NCK2: variants seen among roughly 807,000 people sequenced by gnomAD.
NCK2 encodes NCK adaptor protein 2.
Under a neutral mutation model 33.9 loss-of-function variants are expected in NCK2, and 16 were observed. The observed-to-expected ratio is 0.47, with a 90% CI of 0.32 to 0.72. The LOEUF (loss-of-function observed/expected upper bound fraction) is 0.72. Ranked by LOEUF, NCK2 falls within the 30% of genes least tolerant of loss-of-function variation. The pLI is 0.03. For synonymous variants in NCK2, 273 were observed against 239.9 expected (o/e 1.14, Z -1.27); for missense variants, 418 against 537.3 (o/e 0.78, Z 2.19).
intron 1 of NCK2, among the ~76,000 whole-genome samples, chr2:105,792,308 A>G (rs1041026076): frequency 3.9e-5 from 6 of 152,202 alleles, no homozygotes; most frequent in African/African-American, 1.4e-4. Flanking sequence ...GTGTAGTCCT[A>G]AGGTAGAATC....
chr2:105,884,277 C>T lies in NCK2; in HGVS notation c.948+2228C>T, dbSNP rs1167864002. Among the ~76,000 whole-genome samples, 3 of 152,116 alleles carry T rather than the reference C, an allele frequency of 2.0e-5. No homozygotes were observed. The East Asian group carries it at 5.8e-4, about 29-fold the overall frequency. On this transcript the variant is annotated intron_variant, in intron 4 of 4. Transcript: ENST00000233154. ...GCCTCCCCCCGTCCCCATGTGTTTTCCTGCTCATTTTGGCATTTCTCAGGT... is the reference window on the plus strand; with the variant it reads ...GCCTCCCCCCGTCCCCATGTGTTTTTCTGCTCATTTTGGCATTTCTCAGGT...
chr2:105,864,289 C>G (rs1677663482), intron 3 of NCK2, among the ~76,000 whole-genome samples: 2 of 152,020 alleles, frequency 1.3e-5, no homozygotes. Context: ...GAGAGTGACC[C>G]AGGGTGACAT....
At chr2:105,874,599 C>G (rs1048427365) in intron 3 of NCK2, among the ~76,000 whole-genome samples, 1 of 152,138 alleles carries the variant, frequency 6.6e-6, no homozygotes, top group East Asian at 1.9e-4. Context: ...TTGAGCACAC[C>G]GCGTCTAAAC....
intron 1 of NCK2, among the ~76,000 whole-genome samples, chr2:105,757,141 A>T (rs1008913699): frequency 6.6e-6 from 1 of 152,112 alleles, no homozygotes; most frequent in African/African-American, 2.4e-5. Flanking sequence ...TGTAAATCTG[A>T]ACTTCAACAA....
chr2:105,777,534 C>T (rs1203986617), intron 1 of NCK2, among the ~76,000 whole-genome samples: 2 of 152,086 alleles, frequency 1.3e-5, no homozygotes, highest in Admixed American at 6.5e-5. Flanking sequence ...GATAATCATG[C>T]GGATTATACC....
chr2:105,831,229 C>G (rs539631508), intron 2 of NCK2, among the ~76,000 whole-genome samples: 117 of 152,170 alleles, frequency 7.7e-4, no homozygotes, highest in Non-Finnish European at 1.4e-3. Flanking sequence ...ACATTCAGTG[C>G]AATCCCTATC....
chr2:105,836,370 C>A (rs1211461751), intron 2 of NCK2, among the ~76,000 whole-genome samples: 3 of 152,010 alleles, frequency 2.0e-5, no homozygotes, highest in Non-Finnish European at 4.4e-5. Context: ...CGTATGATTT[C>A]TTGGACTGTA....
At chr2:105,889,737 C>A (rs772176002) in intron 4 of NCK2, among the ~76,000 whole-genome samples, 1 of 152,064 alleles carries the variant, frequency 6.6e-6, no homozygotes, top group Non-Finnish European at 1.5e-5. Context: ...GTATGCATCA[C>A]CACACCTGGC....
At chr2:105,764,164 G>A (rs956884881) in intron 1 of NCK2, among the ~76,000 whole-genome samples, 2 of 152,234 alleles carry the variant, frequency 1.3e-5, no homozygotes, top group African/African-American at 2.4e-5. Flanking sequence ...CTGTTTGCAC[G>A]CCTGTGCAAT....
At chr2:105,773,760 A>C (rs1690211636) in intron 1 of NCK2, among the ~76,000 whole-genome samples, 1 of 152,130 alleles carries the variant, frequency 6.6e-6, no homozygotes, top group Non-Finnish European at 1.5e-5. Flanking sequence ...CCTGCGGTGG[A>C]AAAGGAGCAC....
At chr2:105,806,508 G>A (rs1675049580) in intron 1 of NCK2, among the ~76,000 whole-genome samples, 1 of 152,162 alleles carries the variant, frequency 6.6e-6, no homozygotes, top group Non-Finnish European at 1.5e-5. Flanking sequence ...AAAGTGCTGG[G>A]ATTACAGGCG....
At chr2:105,750,037 AACAC>A (rs72315025) in intron 1 of NCK2, among the ~76,000 whole-genome samples, 135 of 144,554 alleles carry the variant, frequency 9.3e-4, no homozygotes, top group African/African-American at 2.3e-3. Flanking sequence ...AAAGCAAACA[AACAC>A]ACACACACAC....
intron 1 of NCK2, among the ~76,000 whole-genome samples, chr2:105,815,995 T>C (rs1675467457): frequency 6.6e-6 from 1 of 152,188 alleles, no homozygotes; most frequent in African/African-American, 2.4e-5. Flanking sequence ...TTCCACCTGC[T>C]GTTCACCGGG....
At chr2:105,859,150 C>T (rs770588061) in intron 3 of NCK2, among the ~76,000 whole-genome samples, 18 of 152,150 alleles carry the variant, frequency 1.2e-4, no homozygotes, top group Non-Finnish European at 1.9e-4. Flanking sequence ...GAAGCTGCTC[C>T]CAGGGAGGTA....
At position 105,776,945 on chromosome 2, in the gene NCK2, A is replaced by G. The variant is rs868242845; in HGVS notation, c.-201+31807A>G. Among the ~76,000 whole-genome samples, 16 of 151,252 alleles carry G rather than the reference A, an allele frequency of 1.1e-4. No individual in the cohort carries two copies. In the Middle Eastern group the frequency reaches 0.01, roughly 97 times the overall value. ...CCTCCTAGGGGTTTCATATAGGCAG[A>G]ATCTAGTATGGGGAGTGGCTTCACG... On this transcript the variant is annotated intron_variant, in intron 1 of 4. Transcript: ENST00000233154.
chr2:105,763,746 G>C (rs140535294), intron 1 of NCK2, among the ~76,000 whole-genome samples: 3 of 152,158 alleles, frequency 2.0e-5, no homozygotes, highest in Non-Finnish European at 4.4e-5. Context: ...ATTCTCAGCC[G>C]TGTTGTGGCA....
chr2:105,890,640 A>T (rs1273610273), intron 4 of NCK2, among the ~76,000 whole-genome samples: 1 of 152,250 alleles, frequency 6.6e-6, no homozygotes, highest in Non-Finnish European at 1.5e-5. Flanking sequence ...AGACAGAGGC[A>T]TGCATAAATA....
intron 4 of NCK2, among the ~76,000 whole-genome samples, chr2:105,890,353 A>G (rs568160632): frequency 6.6e-6 from 1 of 152,342 alleles, no homozygotes; most frequent in Admixed American, 6.5e-5. Context: ...TACATCTACC[A>G]TGATTCACTC....
At chr2:105,805,773 A>G (rs1675011248) in intron 1 of NCK2, among the ~76,000 whole-genome samples, 1 of 152,172 alleles carries the variant, frequency 6.6e-6, no homozygotes, top group Non-Finnish European at 1.5e-5. Context: ...AAATGGCAGG[A>G]TTTCCCTTTT....
Sources: gnomAD v4.1 joint callset for allele counts (sites outside exome capture counted in the v4.1 genomes callset) on GRCh38, gnomAD v4.1.1 for gene constraint, MANE v1.5 for transcripts, NCBI Gene and HGNC (gene_info 2026-07-23, HGNC 2026-07-21) for gene names.